EXOC4: variants seen among roughly 807,000 people sequenced by gnomAD.
EXOC4 encodes SEC8-like 1.
EXOC4 carries 71 observed loss-of-function variants against 107.2 expected under a neutral mutation model. That is an observed-to-expected ratio of 0.66 (90% CI 0.55 to 0.81). EXOC4 has a LOEUF of 0.81. Ranked by LOEUF, EXOC4 falls within the 30% of genes least tolerant of loss-of-function variation. EXOC4 has a pLI of 0.00. For synonymous variants in EXOC4, 456 were observed against 441.2 expected (o/e 1.03, Z -0.42); for missense variants, 1,108 against 1,189.6 (o/e 0.93, Z 1.01).
chr7:133,714,757 A>T (rs995558077), intron 10 of EXOC4, among the ~76,000 whole-genome samples: 4 of 152,166 alleles, frequency 2.6e-5, no homozygotes, highest in African/African-American at 9.7e-5. Context: ...ATTTTATATC[A>T]GGTACTTGAG....
rs1286338809 is a variant in EXOC4, at chr7:133,817,541, A to G, written c.1731A>G (p.Leu577=). Residue 577 remains leucine (L), a synonymous_variant, in exon 11 of 18, where the codon CTA becomes CTG. Coordinates refer to ENST00000253861, the MANE Select transcript of EXOC4 (RefSeq NM_021807.4). The stretch of plus-strand genomic sequence containing the variant: ...TGCTGGGAGTGCAGCGGCCTCTCCT[A>G]CAGGTAATAATACACTTTGAACTTA... ...MKVLGVQRPL[L]QSTIIVEKTV... 5 of 1,609,254 alleles carry G rather than the reference A, an allele frequency of 3.1e-6. No individual in the cohort carries two copies. Among genetic ancestry groups the G allele is most frequent in the South Asian group, 1.1e-5 (1 of 90,974 alleles).
intron 11 of EXOC4, among the ~76,000 whole-genome samples, chr7:133,836,283 T>C (rs1164350941): frequency 1.3e-5 from 2 of 152,046 alleles, no homozygotes; most frequent in Admixed American, 6.5e-5. Flanking sequence ...ATGTTAAGGC[T>C]GGAAGGTATA....
intron 16 of EXOC4, among the ~76,000 whole-genome samples, chr7:134,007,254 T>G (rs1794663433): frequency 6.6e-6 from 1 of 152,220 alleles, no homozygotes; most frequent in Non-Finnish European, 1.5e-5. Flanking sequence ...AGTGTCCTTC[T>G]CTACTTTGTA....
chr7:134,021,193 CT>C (rs1464130494), intron 17 of EXOC4, among the ~76,000 whole-genome samples: 1 of 152,142 alleles, frequency 6.6e-6, no homozygotes, highest in Non-Finnish European at 1.5e-5. Flanking sequence ...CATAAAGATA[CT>C]GTAAACATGT....
At chr7:133,285,159 C>G (rs1322706948) in intron 2 of EXOC4, among the ~76,000 whole-genome samples, 1 of 152,048 alleles carries the variant, frequency 6.6e-6, no homozygotes, top group African/African-American at 2.4e-5. Context: ...CAGTGCTTAC[C>G]TTTTTATAAC....
intron 1 of EXOC4, among the ~76,000 whole-genome samples, chr7:133,261,273 T>C (rs1483481700): frequency 2.0e-5 from 3 of 151,266 alleles, no homozygotes. Context: ...GTTTTTTTTT[T>C]TTTTTCTTTT....
At chr7:133,477,128 T>A (rs762750533) in intron 8 of EXOC4, among the ~76,000 whole-genome samples, 1 of 150,808 alleles carries the variant, frequency 6.6e-6, no homozygotes, top group Non-Finnish European at 1.5e-5. Flanking sequence ...TATTAGCGTC[T>A]GTTTGTTAGA....
At chr7:133,402,742 G>A (rs994204123) in intron 7 of EXOC4, among the ~76,000 whole-genome samples, 4 of 152,120 alleles carry the variant, frequency 2.6e-5, no homozygotes, top group East Asian at 3.9e-4. Context: ...GACCTCAAGC[G>A]ATCCACCTGC....
chr7:133,923,715 A>G (rs1799990506), intron 13 of EXOC4, among the ~76,000 whole-genome samples: 1 of 152,022 alleles, frequency 6.6e-6, no homozygotes, highest in African/African-American at 2.4e-5. Context: ...CACCTTTTTT[A>G]CTGTCTTAAT....
chr7:133,961,280 C>CTTTTGT (rs1800936700), intron 14 of EXOC4, among the ~76,000 whole-genome samples: 1 of 77,010 alleles, frequency 1.3e-5, no homozygotes. Context: ...TCATGTCAAA[C>CTTTTGT]TTTTTTTTTT....
intron 14 of EXOC4, among the ~76,000 whole-genome samples, chr7:133,945,091 T>C (rs936963101): frequency 6.6e-6 from 1 of 152,184 alleles, no homozygotes; most frequent in African/African-American, 2.4e-5. Flanking sequence ...TATAATCAGT[T>C]AGAGAGCTGT....
chr7:133,835,890 C>G (rs1797908564), intron 11 of EXOC4, among the ~76,000 whole-genome samples: 1 of 152,168 alleles, frequency 6.6e-6, no homozygotes, highest in South Asian at 2.1e-4. Flanking sequence ...CTAACTGGCT[C>G]ATGAAACTAT....
chr7:133,551,154 T>A (rs1350925751), intron 9 of EXOC4, among the ~76,000 whole-genome samples: 1 of 152,154 alleles, frequency 6.6e-6, no homozygotes, highest in East Asian at 1.9e-4. Flanking sequence ...GAACCCTGAC[T>A]GATATATTAC....
intron 10 of EXOC4, among the ~76,000 whole-genome samples, chr7:133,676,949 G>A (rs1195644873): frequency 6.9e-5 from 6 of 87,426 alleles, no homozygotes; most frequent in Non-Finnish European, 4.9e-5. Context: ...GTGTGTGTGT[G>A]TGTGTGTATG....
Position 133,296,729 on chromosome 7 carries a change from A to G in EXOC4, c.471+7613A>G, listed in dbSNP as rs1051291393. 2.0e-5 allele frequency among the ~76,000 whole-genome samples: 3 copies of G among 151,636 alleles called. No homozygotes were observed. In the South Asian group the frequency reaches 6.3e-4, roughly 32 times the overall value. On this transcript the variant is annotated intron_variant, in intron 3 of 17. Transcript: ENST00000253861. ...AATTTTGCTTTTTTATCTGCTATTC[A>G]TTTGCCTCTTTTAAAGCCAATGGAA...
chr7:134,004,943 G>A lies in EXOC4; in HGVS notation c.2380G>A (p.Ala794Thr), dbSNP rs780122543. The A allele has an allele frequency of 3.7e-6, 6 of 1,613,200 alleles. No individual in the cohort carries two copies. Among genetic ancestry groups the A allele is most frequent in the Non-Finnish European group, 5.1e-6 (6 of 1,179,458 alleles). The change falls in exon 16 of 18, where the codon GCA becomes ACA. Residue 794 changes from alanine to threonine, a missense_variant. By Grantham distance (58) the Ala-to-Thr change is moderately conservative (BLOSUM62 0). Transcript: ENST00000253861. ...VHCFHYLIPL[A>T]KEGNYAIVAN... The stretch of plus-strand genomic sequence containing the variant: ...CTGTTTCCACTATCTTATCCCTCTT[G>A]CAAAGGAGGGGAACTATGCCATTGT...
chr7:133,301,037 C>T (rs948777037), intron 3 of EXOC4, among the ~76,000 whole-genome samples: 3 of 152,186 alleles, frequency 2.0e-5, no homozygotes, highest in African/African-American at 7.2e-5. Context: ...TAAATATCTT[C>T]GCTGCTTGCT....
chr7:133,508,668 C>G (rs554454470), intron 9 of EXOC4, among the ~76,000 whole-genome samples: 3 of 152,256 alleles, frequency 2.0e-5, no homozygotes, highest in South Asian at 2.1e-4. Flanking sequence ...GCTACAGTCA[C>G]AAGTTAACAA....
intron 3 of EXOC4, among the ~76,000 whole-genome samples, chr7:133,289,398 G>C (rs1794354843): frequency 6.6e-6 from 1 of 152,212 alleles, no homozygotes; most frequent in African/African-American, 2.4e-5. Flanking sequence ...GTGTTTTTTA[G>C]CTTCAGAGGA....
Sources: gnomAD v4.1 joint callset for allele counts (sites outside exome capture counted in the v4.1 genomes callset) on GRCh38, gnomAD v4.1.1 for gene constraint, MANE v1.5 for transcripts, NCBI Gene and HGNC (gene_info 2026-07-23, HGNC 2026-07-21) for gene names.